Variants in LANCL3 observed in about 807,000 individuals in gnomAD.
LANCL3 encodes lanC-like protein 3.
In LANCL3, 19 loss-of-function variants were observed where a neutral mutation model predicts 26.5. That is an observed-to-expected ratio of 0.72 (90% confidence interval 0.50 to 1.05). The LOEUF (loss-of-function observed/expected upper bound fraction) is 1.05, where lower values mean the gene tolerates loss of function less well. Ranked by LOEUF, LANCL3 falls within the 50% of genes least tolerant of loss-of-function variation. LANCL3 has a pLI of 0.00. For missense variants in LANCL3, 318 were observed against 362.7 expected, an observed-to-expected ratio of 0.88 and a Z score of 1.00; for synonymous variants, 160 against 166.6, an observed-to-expected ratio of 0.96 and a Z score of 0.30.
chrX:37,623,418 G>C (rs930078324), intron 1 of LANCL3, among the ~76,000 whole-genome samples: 5 of 111,226 alleles, frequency 4.5e-5, no homozygotes, highest in African/African-American at 1.3e-4. Flanking sequence ...CTTCCTAGCT[G>C]AAAAACTGTC....
chrX:37,650,306 GAAAA>G (rs781800086), intron 1 of LANCL3, among the ~76,000 whole-genome samples: 5 of 72,792 alleles, frequency 6.9e-5, no homozygotes, highest in Non-Finnish European at 1.3e-4. Flanking sequence ...CCATCTCAGG[GAAAA>G]AAAAAAAAAA....
chrX:37,606,748 A>C (rs1202048298), intron 1 of LANCL3, among the ~76,000 whole-genome samples: 1 of 112,082 alleles, frequency 8.9e-6, no homozygotes, highest in Non-Finnish European at 1.9e-5. Context: ...CTCCGTGTCC[A>C]AGGAGCCTGA....
At chrX:37,573,532 G>T (rs782611255) in intron 1 of LANCL3, among the ~76,000 whole-genome samples, 1 of 111,579 alleles carries the variant, frequency 9.0e-6, no homozygotes, top group Non-Finnish European at 1.9e-5. Flanking sequence ...GATTACTAAA[G>T]AATGTGCACT....
At chrX:37,581,589 C>T (rs1300650405) in intron 1 of LANCL3, among the ~76,000 whole-genome samples, 2 of 111,564 alleles carry the variant, frequency 1.8e-5, no homozygotes, top group Non-Finnish European at 3.8e-5. Flanking sequence ...ACCTGTTTGA[C>T]GTAAAGTAGT....
chrX:37,587,873 A>T (rs1214826541), intron 1 of LANCL3, among the ~76,000 whole-genome samples: 2 of 111,818 alleles, frequency 1.8e-5, no homozygotes, highest in East Asian at 2.8e-4. Flanking sequence ...GAAATCACCC[A>T]TCTTCTGCAT....
intron 3 of LANCL3, among the ~76,000 whole-genome samples, chrX:37,666,273 A>G (rs1210915686): frequency 1.8e-5 from 2 of 112,338 alleles, no homozygotes; most frequent in African/African-American, 6.5e-5. Flanking sequence ...TGCTGAAATA[A>G]ATTTGCTTAA....
intron 1 of LANCL3, among the ~76,000 whole-genome samples, chrX:37,609,680 A>G (rs1283991170): frequency 9.1e-6 from 1 of 109,326 alleles, no homozygotes; most frequent in African/African-American, 3.5e-5. Flanking sequence ...AGAAAACCAG[A>G]GTGGATGGGA....
At chrX:37,647,418 T>C (rs1326686675) in intron 1 of LANCL3, among the ~76,000 whole-genome samples, 1 of 112,341 alleles carries the variant, frequency 8.9e-6, no homozygotes, top group African/African-American at 3.2e-5. Context: ...CTCATTCCAG[T>C]AGCTCTAACT....
chrX:37,597,884 ATAATCATTTTGATATGCAG>A (rs1967414663), intron 1 of LANCL3, among the ~76,000 whole-genome samples: 1 of 109,355 alleles, frequency 9.1e-6, no homozygotes, highest in Non-Finnish European at 1.9e-5. Flanking sequence ...GTGGTATCTG[ATAATCATTTTGATATGCAG>A]TTTCCTGATG....
chrX:37,662,634 T>A (rs1219306709), intron 3 of LANCL3, among the ~76,000 whole-genome samples: 3 of 111,613 alleles, frequency 2.7e-5, no homozygotes, highest in Non-Finnish European at 3.8e-5. Flanking sequence ...GATCCCATAT[T>A]TTCAAAAGTT....
At chrX:37,578,766 G>A (rs781994347) in intron 1 of LANCL3, among the ~76,000 whole-genome samples, 1 of 110,542 alleles carries the variant, frequency 9.0e-6, no homozygotes, top group African/African-American at 3.3e-5. Context: ...GATCACATGA[G>A]ATCAGGAGTT....
chrX:37,585,509 G>C, intron 1 of LANCL3, among the ~76,000 whole-genome samples: 2 of 112,219 alleles, frequency 1.8e-5, no homozygotes, highest in Middle Eastern at 9.2e-3. Context: ...ATTTAGGATA[G>C]TTAGCTCTTC....
intron 4 of LANCL3, among the ~76,000 whole-genome samples, chrX:37,669,532 C>T (rs1210493326): frequency 9.0e-6 from 1 of 111,203 alleles, no homozygotes; most frequent in East Asian, 2.8e-4. Context: ...TTTAAAAGTG[C>T]ATAGCACTTC....
intron 1 of LANCL3, among the ~76,000 whole-genome samples, chrX:37,611,258 G>C (rs1235002159): frequency 1.8e-5 from 2 of 111,797 alleles, no homozygotes; most frequent in South Asian, 3.8e-4. Context: ...TTCATATGAT[G>C]CTTCTGGGCA....
chrX:37,653,557 C>T (rs1329743450), intron 1 of LANCL3, among the ~76,000 whole-genome samples: 1 of 112,157 alleles, frequency 8.9e-6, no homozygotes, highest in Non-Finnish European at 1.9e-5. Context: ...CCCTTCAGGG[C>T]TTTTAGCAGG....
chrX:37,670,763 G>A (rs34576490), intron 4 of LANCL3, among the ~76,000 whole-genome samples: 35,522 of 110,384 alleles, frequency 0.32, 6,216 homozygotes, highest in African/African-American at 0.69. Flanking sequence ...TTTACAGTTT[G>A]CTTAATGAGA....
chrX:37,627,230 G>A (rs1313675678), intron 1 of LANCL3, among the ~76,000 whole-genome samples: 1 of 111,934 alleles, frequency 8.9e-6, no homozygotes, highest in Non-Finnish European at 1.9e-5. Context: ...TTCTGGCTCG[G>A]CAGTATGCCA....
At chrX:37,669,572 T>C (rs1230428990) in intron 4 of LANCL3, among the ~76,000 whole-genome samples, 1 of 111,409 alleles carries the variant, frequency 9.0e-6, no homozygotes, top group Non-Finnish European at 1.9e-5. Context: ...GCTCTGGCCA[T>C]GTAAGATGTG....
intron 4 of LANCL3, among the ~76,000 whole-genome samples, chrX:37,674,136 C>T (rs1256187431): frequency 9.0e-6 from 1 of 111,235 alleles, no homozygotes; most frequent in African/African-American, 3.3e-5. Flanking sequence ...TCTACTATAC[C>T]AGGGGTTCTT....
Sources: gnomAD v4.1 joint callset for allele counts (sites outside exome capture counted in the v4.1 genomes callset) on GRCh38, gnomAD v4.1.1 for gene constraint, MANE v1.5 for transcripts, NCBI Gene and HGNC (gene_info 2026-07-23, HGNC 2026-07-21) for gene names.